Variants in AGBL4 observed in about 807,000 individuals in gnomAD.
AGBL4 encodes the protein cytosolic carboxypeptidase 6.
Under a neutral mutation model 66.4 loss-of-function variants are expected in AGBL4, and 58 were observed. The ratio of observed to expected loss-of-function variants is 0.87; its 90% CI spans 0.71 to 1.09. AGBL4 has a LOEUF of 1.09. Among genes scored for constraint, AGBL4 ranks in the 50% least tolerant of loss-of-function variants. AGBL4 has a pLI of 0.00. For synonymous variants in AGBL4, 234 were observed against 222.9 expected (o/e 1.05, Z -0.44); for missense variants, 579 against 631.0 (o/e 0.92, Z 0.88).
intron 3 of AGBL4, among the ~76,000 whole-genome samples, chr1:49,522,462 G>A (rs926438679): frequency 3.3e-5 from 5 of 152,076 alleles, no homozygotes; most frequent in Non-Finnish European, 7.4e-5. Flanking sequence ...TGTTTATTGT[G>A]TGGGAATATT....
chr1:48,701,294 A>G (rs953170164), intron 6 of AGBL4, among the ~76,000 whole-genome samples: 2 of 151,892 alleles, frequency 1.3e-5, no homozygotes, highest in African/African-American at 4.8e-5. Context: ...GAGAACACCC[A>G]CCCTGTGGGG....
intron 6 of AGBL4, among the ~76,000 whole-genome samples, chr1:48,716,583 A>G (rs1052759731): frequency 2.6e-5 from 4 of 152,158 alleles, no homozygotes; most frequent in Non-Finnish European, 4.4e-5. Context: ...TATGTCATTC[A>G]TCGTGCCCAT....
chr1:48,670,282 C>T (rs1050318784), intron 6 of AGBL4, among the ~76,000 whole-genome samples: 1 of 152,106 alleles, frequency 6.6e-6, no homozygotes, highest in Non-Finnish European at 1.5e-5. Context: ...GTGAGATCAC[C>T]GAGTTAAACA....
At chr1:49,795,350 T>G (rs1644703548) in intron 2 of AGBL4, among the ~76,000 whole-genome samples, 1 of 151,986 alleles carries the variant, frequency 6.6e-6, no homozygotes, top group Admixed American at 6.6e-5. Flanking sequence ...AATATATAGT[T>G]TCATATAACT....
chr1:49,878,988 C>T (rs553151258), intron 1 of AGBL4, among the ~76,000 whole-genome samples: 267 of 100,566 alleles, frequency 2.7e-3, no homozygotes, highest in Non-Finnish European at 4.2e-3. Flanking sequence ...GCAACCCCTG[C>T]CTTTTTTTGT....
intron 3 of AGBL4, among the ~76,000 whole-genome samples, chr1:49,521,209 C>T (rs1050363562): frequency 1.3e-5 from 2 of 151,988 alleles, no homozygotes; most frequent in African/African-American, 4.8e-5. Context: ...ACAGATTCAA[C>T]ACTATTCCTA....
In AGBL4 at chr1:49,946,849, C is replaced by A. The variant is rs1350800152; in HGVS notation, c.34+76914G>T. Among the ~76,000 whole-genome samples, 4 of 151,530 alleles carry A rather than the reference C, an allele frequency of 2.6e-5. No homozygotes were observed. The East Asian group carries it at 7.8e-4, about 29-fold the overall frequency. On this transcript the variant is annotated intron_variant, in intron 1 of 13. Coordinates refer to ENST00000371839, the MANE Select transcript of AGBL4 (RefSeq NM_032785.4). The stretch of plus-strand genomic sequence containing the variant: ...AAACAAGAGAGAAGATCCAAATAAG[C>A]TCAATTAGAAACAAAACAAGAGATA...
intron 5 of AGBL4, among the ~76,000 whole-genome samples, chr1:49,033,519 G>A (rs1664396747): frequency 1.3e-5 from 2 of 152,098 alleles, no homozygotes; most frequent in African/African-American, 4.8e-5. Flanking sequence ...GTGCTGGTCA[G>A]AACTGTGCTG....
At chr1:49,068,255 A>C (rs188471866) in intron 4 of AGBL4, among the ~76,000 whole-genome samples, 2 of 151,480 alleles carry the variant, frequency 1.3e-5, no homozygotes, top group East Asian at 3.9e-4. Flanking sequence ...TTTTATTATA[A>C]GTTCTGGGGT....
rs1311898502 is a variant in AGBL4, at chr1:49,355,647, T to C, written c.283-109783A>G. ...ACAAGGCTCTATGGTATCTGACCTA[T>C]CTCTCTGACTTCATCTTCTGTTCTC... On this transcript the variant is annotated intron_variant, in intron 3 of 13. Transcript: ENST00000371839. Among the ~76,000 whole-genome samples the C allele has an allele frequency of 5.3e-5, 8 of 152,310 alleles. No individual in the cohort carries two copies. The South Asian group carries it at 1.7e-3, about 32-fold the overall frequency.
chr1:49,008,680 TCAGACCAC>T lies in AGBL4; in HGVS notation c.594+36896_594+36903del, dbSNP rs770222663. ...AACAGAGATTATAACAAACTGTCTC[TCAGACCAC>T]AGTGCAATCAAACTAGAACTCAGGA... On this transcript the variant is annotated intron_variant, in intron 5 of 13. Transcript: ENST00000371839. Among the ~76,000 whole-genome samples the T allele has an allele frequency of 0.01, 1,280 of 122,702 alleles. 44 individuals are homozygous for T. The East Asian group carries it at 0.16, about 16-fold the overall frequency. The allele number at this position is 122,702 out of a possible 152,430, so 80.5% of individuals were successfully genotyped here. A position where few individuals can be genotyped will look rare whatever the true frequency, so the allele number is the denominator to read the frequency against.
intron 3 of AGBL4, among the ~76,000 whole-genome samples, chr1:49,531,018 CAAT>C (rs1168504528): frequency 1.3e-5 from 2 of 152,064 alleles, no homozygotes; most frequent in African/African-American, 4.8e-5. Context: ...AGCACTCAAT[CAAT>C]AAATTCTCAC....
chr1:49,373,681 A>G (rs182700771), intron 3 of AGBL4, among the ~76,000 whole-genome samples: 14 of 152,252 alleles, frequency 9.2e-5, no homozygotes, highest in Admixed American at 9.2e-4. Flanking sequence ...AAGTTATATA[A>G]TTATTCAAAG....
intron 1 of AGBL4, among the ~76,000 whole-genome samples, chr1:49,978,269 C>T (rs573941805): frequency 3.9e-5 from 6 of 152,114 alleles, no homozygotes; most frequent in African/African-American, 1.4e-4. Flanking sequence ...GGCAACATAG[C>T]AAGATCCTGT....
chr1:49,294,452 T>C (rs1020756603), intron 3 of AGBL4, among the ~76,000 whole-genome samples: 1 of 152,226 alleles, frequency 6.6e-6, no homozygotes, highest in African/African-American at 2.4e-5. Context: ...AGTTTTTGTT[T>C]AAAGTAGAGT....
intron 3 of AGBL4, among the ~76,000 whole-genome samples, chr1:49,264,606 C>T (rs980738072): frequency 1.3e-5 from 2 of 151,594 alleles, no homozygotes; most frequent in African/African-American, 2.4e-5. Context: ...AGTGCAGCGG[C>T]GCTATCGTGG....
At chr1:49,556,534 AT>A in intron 3 of AGBL4, among the ~76,000 whole-genome samples, 1 of 150,760 alleles carries the variant, frequency 6.6e-6, no homozygotes, top group Non-Finnish European at 1.5e-5. Flanking sequence ...ATATATATAT[AT>A]AAACAAATCT....
At chr1:49,788,104 G>C (rs1301396789) in intron 2 of AGBL4, among the ~76,000 whole-genome samples, 1 of 152,110 alleles carries the variant, frequency 6.6e-6, no homozygotes, top group Non-Finnish European at 1.5e-5. Context: ...AGCATTCTGG[G>C]AGCTAGGCAA....
At chr1:49,333,275 C>T (rs931900123) in intron 3 of AGBL4, among the ~76,000 whole-genome samples, 1 of 152,132 alleles carries the variant, frequency 6.6e-6, no homozygotes, top group Non-Finnish European at 1.5e-5. Context: ...GTCAGGAGAT[C>T]AATACCATCC....
Sources: gnomAD v4.1 joint callset for allele counts (sites outside exome capture counted in the v4.1 genomes callset) on GRCh38, gnomAD v4.1.1 for gene constraint, MANE v1.5 for transcripts, NCBI Gene and HGNC (gene_info 2026-07-23, HGNC 2026-07-21) for gene names.